The following NUDCD1 variants were observed in gnomAD, a reference collection of about 807,000 sequenced individuals.
The protein encoded by NUDCD1 is nudC domain-containing protein 1.
NUDCD1 carries 60 observed loss-of-function variants against 67.8 expected under a neutral mutation model. That is an observed-to-expected ratio of 0.88 (90% CI 0.72 to 1.10). The LOEUF is 1.10. NUDCD1 is among the 50% of genes least tolerant of loss of function. The pLI, the probability that NUDCD1 is intolerant of heterozygous loss-of-function variation, is 0.00. For missense variants in NUDCD1, 643 were observed against 695.0 expected (o/e 0.93, Z 0.84); for synonymous variants, 244 against 230.8 (o/e 1.06, Z -0.52).
chr8:109,241,775 A>G lies in NUDCD1; in HGVS notation c.*1234T>C, dbSNP rs1813372068. ...CAGACAGGCAAAAGATATGTTAGGA[A>G]CAAAGCTTTTCTATCTTATATTTCT... On this transcript the variant is annotated 3_prime_UTR_variant, in exon 10 of 10. Coordinates refer to ENST00000239690, the MANE Select transcript of NUDCD1 (RefSeq NM_032869.4). The G allele has an allele frequency of 7.6e-6, 2 of 264,224 alleles. No homozygotes were observed. The highest frequency in any genetic ancestry group is 1.3e-4 in the East Asian group (2 of 15,154). The allele number at this position is 264,224 out of a possible 1,614,324, so 16.4% of individuals were successfully genotyped here.
intron 2 of NUDCD1, among the ~76,000 whole-genome samples, chr8:109,314,986 G>T (rs1372496893): frequency 6.6e-6 from 1 of 152,028 alleles, no homozygotes; most frequent in African/African-American, 2.4e-5. Flanking sequence ...AGTATTATTA[G>T]ATACTATTTA....
chr8:109,271,602 G>A (rs1814158596), intron 7 of NUDCD1, among the ~76,000 whole-genome samples: 3 of 152,078 alleles, frequency 2.0e-5, no homozygotes, highest in African/African-American at 2.4e-5. Context: ...CTAGCATATG[G>A]GTAACTGGAG....
At chr8:109,288,395 A>G (rs1814623873) in intron 5 of NUDCD1, among the ~76,000 whole-genome samples, 1 of 152,230 alleles carries the variant, frequency 6.6e-6, no homozygotes, top group South Asian at 2.1e-4. Context: ...CTAGAGAAAT[A>G]AACAGCTATT....
chr8:109,305,435 C>T (rs1389403478), intron 2 of NUDCD1, among the ~76,000 whole-genome samples: 1 of 152,094 alleles, frequency 6.6e-6, no homozygotes, highest in Non-Finnish European at 1.5e-5. Flanking sequence ...CCTTACTGTC[C>T]TCAATCTTCA....
chr8:109,270,800 A>G (rs555352292), intron 8 of NUDCD1, among the ~76,000 whole-genome samples: 1 of 152,300 alleles, frequency 6.6e-6, no homozygotes, highest in South Asian at 2.1e-4. Flanking sequence ...GCACCACTTG[A>G]AAGATATCAA....
intron 2 of NUDCD1, among the ~76,000 whole-genome samples, chr8:109,307,261 A>C (rs1189486925): frequency 6.6e-6 from 1 of 152,242 alleles, no homozygotes; most frequent in African/African-American, 2.4e-5. Flanking sequence ...GCCCTTAAGA[A>C]GGTACTTTGT....
At position 109,245,427 on chromosome 8, in the gene NUDCD1, T is replaced by A; in HGVS notation, c.1354A>T (p.Met452Leu). The A allele has an allele frequency of 1.2e-6, 2 of 1,613,840 alleles. No individual in the cohort carries two copies. Among genetic ancestry groups the A allele is most frequent in the Non-Finnish European group, 8.5e-7 (1 of 1,179,886 alleles). ...TCATGGCGCAAACAGAAGCAGGGCA[T>A]TTCTTTAGGATCCACTATGACAGAG... is the stretch of plus-strand genomic sequence containing the variant. ...LFSVIVDPKE[M>L]PCFCLRHDVD... Residue 452 changes from methionine (M) to leucine (L), a missense_variant, in exon 9 of 10, where the codon ATG becomes TTG. Transcript: ENST00000239690.
At chr8:109,310,064 C>A (rs555111696) in intron 2 of NUDCD1, among the ~76,000 whole-genome samples, 1 of 152,196 alleles carries the variant, frequency 6.6e-6, no homozygotes, top group African/African-American at 2.4e-5. Flanking sequence ...AAACAATCTA[C>A]AAATTCAATG....
chr8:109,243,073 T>C lies in NUDCD1; in HGVS notation c.1688A>G (p.Asn563Ser). Residue 563 changes from asparagine to serine, a missense_variant, in exon 10 of 10, where the codon AAT becomes AGT. Physicochemically the swap from Asn to Ser is conservative, Grantham distance 46 (BLOSUM62 1). Transcript: ENST00000239690. ...NDPILGFQATNERLFVLTTKN... is the reference protein window; with the variant it reads ...NDPILGFQATSERLFVLTTKN... Reference sequence around the variant, plus strand: ...GGTAGTAAGAACAAATAATCTCTCATTTGTTGCCTGAAATCCTAAAATAGG... The same window carrying C: ...GGTAGTAAGAACAAATAATCTCTCACTTGTTGCCTGAAATCCTAAAATAGG... The C allele has an allele frequency of 6.2e-7, 1 of 1,611,486 alleles. No homozygotes were observed. The highest frequency in any genetic ancestry group is 1.3e-5 in the African/African-American group (1 of 75,002).
At chr8:109,318,959 T>G (rs961337015) in intron 2 of NUDCD1, among the ~76,000 whole-genome samples, 7 of 25,192 alleles carry the variant, frequency 2.8e-4, no homozygotes, top group African/African-American at 1.1e-3. Flanking sequence ...CCATTTTATG[T>G]TTTTTTTTTT....
At chr8:109,275,682 TA>T (rs1814269616) in intron 6 of NUDCD1, among the ~76,000 whole-genome samples, 186 bp from the exon 7 acceptor site, 1 of 152,164 alleles carries the variant, frequency 6.6e-6, no homozygotes, top group South Asian at 2.1e-4. Context: ...CAATGGCAAA[TA>T]GTCCAGATTT....
chr8:109,242,277 G>A lies in NUDCD1; in HGVS notation c.*732C>T. 2.5e-6 allele frequency: 1 copy of A among 395,376 alleles called. No homozygotes were observed. The highest frequency in any genetic ancestry group is 3.6e-5 in the East Asian group (1 of 27,986). The allele number at this position is 395,376 out of a possible 1,614,324, so 24.5% of individuals were successfully genotyped here. A position where few individuals can be genotyped will look rare whatever the true frequency, so the allele number is the denominator to read the frequency against. On this transcript the variant is annotated 3_prime_UTR_variant, in exon 10 of 10. Coordinates refer to ENST00000239690, the MANE Select transcript of NUDCD1 (RefSeq NM_032869.4). ...GATGTTTTCTCTACTATGGAAAGAA[G>A]ATTCGTCTAGTCTACTGGAGGCTGA...
chr8:109,276,064 T>A (rs1814280325), intron 6 of NUDCD1, among the ~76,000 whole-genome samples: 1 of 152,080 alleles, frequency 6.6e-6, no homozygotes, highest in Non-Finnish European at 1.5e-5. Context: ...AGGAAAAAAA[T>A]TAACTTTGGT....
intron 8 of NUDCD1, among the ~76,000 whole-genome samples, chr8:109,270,071 G>A (rs1201520235): frequency 1.4e-5 from 1 of 69,040 alleles, no homozygotes; most frequent in East Asian, 5.2e-4. Flanking sequence ...CGGGGGCGGG[G>A]GGGGGGGGGG....
rs184108107 is a variant in NUDCD1 at position 109,245,272 on chromosome 8, A to G, written c.1459+50T>C. ...AAAAGAAATGAACTTTAAATGAATG[A>G]TGACTGTATTTCTGATTTCATGGAA... On this transcript the variant is annotated intron_variant, in intron 9 of 9. Transcript: ENST00000239690. 25 of 1,520,522 alleles carry G rather than the reference A, an allele frequency of 1.6e-5. No homozygotes were observed. The East Asian group carries it at 5.5e-4, about 33-fold the overall frequency. 94.2% of individuals were successfully genotyped at this position (1,520,522 alleles called of 1,614,324 possible). A position where few individuals can be genotyped will look rare whatever the true frequency, so the allele number is the denominator to read the frequency against.
chr8:109,255,686 A>G (rs1020543242), intron 8 of NUDCD1, among the ~76,000 whole-genome samples: 7 of 151,878 alleles, frequency 4.6e-5, no homozygotes, highest in African/African-American at 7.2e-5. Context: ...CAGAAAAAAA[A>G]AAAAAAGAAA....
intron 8 of NUDCD1, among the ~76,000 whole-genome samples, chr8:109,255,751 A>C (rs1266385085): frequency 6.6e-6 from 1 of 152,088 alleles, no homozygotes; most frequent in African/African-American, 2.4e-5. Flanking sequence ...GACAAAAGAC[A>C]ACATGAACAG....
chr8:109,284,944 A>G (rs1342482231), intron 5 of NUDCD1, among the ~76,000 whole-genome samples: 3 of 151,966 alleles, frequency 2.0e-5, no homozygotes, highest in Non-Finnish European at 4.4e-5. Flanking sequence ...AAAAAAAGAG[A>G]AGATGCAAAT....
intron 2 of NUDCD1, among the ~76,000 whole-genome samples, chr8:109,313,446 A>T (rs1009903433): frequency 6.6e-6 from 1 of 152,212 alleles, no homozygotes; most frequent in Non-Finnish European, 1.5e-5. Context: ...ACACATGCTG[A>T]CCTGTTAAGA....
Sources: gnomAD v4.1 joint callset for allele counts (sites outside exome capture counted in the v4.1 genomes callset) on GRCh38, gnomAD v4.1.1 for gene constraint, MANE v1.5 for transcripts, NCBI Gene and HGNC (gene_info 2026-07-23, HGNC 2026-07-21) for gene names.